The following CERT1 variants were observed in gnomAD, a reference collection of about 807,000 sequenced individuals.
CERT1 encodes ceramide transporter 1, also known as ceramide transfer protein.
A neutral mutation model predicts 87.9 loss-of-function variants in CERT1; 31 were observed. That is an observed-to-expected ratio of 0.35 (90% CI 0.27 to 0.48). The LOEUF is 0.48. Ranked by LOEUF, CERT1 falls within the 20% of genes least tolerant of loss-of-function variation. The pLI, the probability that CERT1 is intolerant of heterozygous loss-of-function variation, is 0.99. For missense variants in CERT1, 487 were observed against 758.0 expected (o/e 0.64, Z 4.20); for synonymous variants, 289 against 250.9 (o/e 1.15, Z -1.44).
chr5:75,477,657 A>AAC (rs1554044744), intron 2 of CERT1, among the ~76,000 whole-genome samples: 1 of 149,958 alleles, frequency 6.7e-6, no homozygotes, highest in Non-Finnish European at 1.5e-5. Flanking sequence ...TAAAAAAAAA[A>AAC]AAAAAAAAAA....
chr5:75,406,748 T>C (rs1762721714), intron 8 of CERT1, among the ~76,000 whole-genome samples: 2 of 152,140 alleles, frequency 1.3e-5, no homozygotes, highest in African/African-American at 4.8e-5. Context: ...TTTCACCATG[T>C]TGGCCAGGCT....
At chr5:75,507,711 C>T (rs1405900631) in intron 1 of CERT1, among the ~76,000 whole-genome samples, 1 of 152,164 alleles carries the variant, frequency 6.6e-6, no homozygotes, top group Non-Finnish European at 1.5e-5. Flanking sequence ...ATAGGCTCAA[C>T]TATTTTATAA....
intron 11 of CERT1, among the ~76,000 whole-genome samples, chr5:75,390,010 G>A (rs988105567): frequency 6.6e-6 from 1 of 152,166 alleles, no homozygotes; most frequent in Non-Finnish European, 1.5e-5. Context: ...AAACAGAGAT[G>A]ATGTGTTAAA....
At position 75,426,490 on chromosome 5, in the gene CERT1, A is replaced by AT; in HGVS notation, c.349-13_349-12insA. On this transcript the variant is annotated splice_polypyrimidine_tract_variant and intron_variant, in intron 3 of 16. Transcript: ENST00000643780. ...TATCCAGATTCAGTCTAAAAAAAAA[A>AT]GTAAACTATGTGAAAAGAATTTAAA... 6.5e-7 allele frequency: 1 copy of AT among 1,545,990 alleles called. No individual in the cohort carries two copies. Among genetic ancestry groups the AT allele is most frequent in the South Asian group, 1.1e-5 (1 of 87,362 alleles).
intron 11 of CERT1, among the ~76,000 whole-genome samples, chr5:75,390,622 C>T (rs1357189546): frequency 1.3e-5 from 2 of 152,006 alleles, no homozygotes; most frequent in African/African-American, 4.8e-5. Context: ...ATTGCGGAAA[C>T]AAAGTAATTT....
chr5:75,442,484 G>C (rs998377218), intron 3 of CERT1, among the ~76,000 whole-genome samples: 4 of 152,186 alleles, frequency 2.6e-5, no homozygotes, highest in African/African-American at 9.7e-5. Context: ...GCCTCCCAAA[G>C]TGCTGGGATT....
chr5:75,382,079 T>C lies in CERT1; in HGVS notation c.1489-2A>G, dbSNP rs1361694774. 1.9e-6 allele frequency: 3 copies of C among 1,609,726 alleles called. No individual in the cohort carries two copies. Among genetic ancestry groups the C allele is most frequent in the Admixed American group, 1.7e-5 (1 of 58,966 alleles). ...TCGCTGAGAAGCAGGCCACACCCTC[T>C]GTGGAGAAGTAAAAATCTTTTGAAA... On this transcript the variant is annotated splice_acceptor_variant, in intron 14 of 16. Transcript: ENST00000643780. LOFTEE classifies it high-confidence loss of function.
chr5:75,462,822 T>C (rs1313701790), intron 2 of CERT1, among the ~76,000 whole-genome samples: 2 of 151,656 alleles, frequency 1.3e-5, no homozygotes, highest in South Asian at 2.1e-4. Context: ...TGAAACCCCA[T>C]CTCTACTAAA....
chr5:75,502,072 CA>C (rs1307290336), intron 2 of CERT1, among the ~76,000 whole-genome samples: 1 of 151,020 alleles, frequency 6.6e-6, no homozygotes, highest in Non-Finnish European at 1.5e-5. Flanking sequence ...ATATTTGCAA[CA>C]AATGTGCCAA....
chr5:75,435,736 G>C (rs1297057054), intron 3 of CERT1, among the ~76,000 whole-genome samples: 1 of 152,170 alleles, frequency 6.6e-6, no homozygotes, highest in Non-Finnish European at 1.5e-5. Context: ...TAATCCTGGG[G>C]GGCTGAGACC....
At chr5:75,511,945 C>T (rs10060056), upstream of CERT1, 6,211 of 878,246 alleles carry the variant, frequency 7.1e-3, 32 homozygotes, top group South Asian at 8.8e-3. Context: ...TCGCTTGTCC[C>T]CTTGGGGCCT....
intron 2 of CERT1, among the ~76,000 whole-genome samples, chr5:75,481,152 T>C (rs1346986237): frequency 6.6e-6 from 1 of 152,210 alleles, no homozygotes; most frequent in Admixed American, 6.5e-5. Context: ...TCCCCGTGTC[T>C]ACTCTGCTCC....
At chr5:75,438,567 C>T (rs1354419852) in intron 3 of CERT1, among the ~76,000 whole-genome samples, 1 of 152,084 alleles carries the variant, frequency 6.6e-6, no homozygotes, top group Non-Finnish European at 1.5e-5. Flanking sequence ...ACTTACTCTT[C>T]CACAAGAAAA....
intron 2 of CERT1, among the ~76,000 whole-genome samples, chr5:75,481,673 A>C (rs1326214826): frequency 6.6e-6 from 1 of 152,248 alleles, no homozygotes; most frequent in Non-Finnish European, 1.5e-5. Context: ...AGGAAAGCTA[A>C]TTATAACTAT....
intron 3 of CERT1, among the ~76,000 whole-genome samples, chr5:75,430,270 T>A (rs1309390226): frequency 6.6e-6 from 1 of 152,198 alleles, no homozygotes; most frequent in Non-Finnish European, 1.5e-5. Context: ...TGTTCTCAAC[T>A]CTTAATTGGC....
intron 1 of CERT1, 142 bp downstream of exon 1, chr5:75,510,970 C>T: frequency 8.5e-7 from 1 of 1,177,884 alleles, no homozygotes; most frequent in Non-Finnish European, 1.1e-6. Flanking sequence ...ATCCCCGCCT[C>T]ATCCCTAGTC....
chr5:75,425,248 A>C (rs1242777024), intron 5 of CERT1, 113 bp downstream of exon 5: 1 of 1,011,410 alleles, frequency 9.9e-7, no homozygotes, highest in Admixed American at 2.6e-5. Context: ...GGGGGTTTGC[A>C]GCAAAAAATG....
At chr5:75,420,717 C>A (rs1003352820) in intron 5 of CERT1, among the ~76,000 whole-genome samples, 18 of 151,996 alleles carry the variant, frequency 1.2e-4, no homozygotes, top group African/African-American at 4.4e-4. Flanking sequence ...TTTTCTACTA[C>A]GCCACATGCT....
intron 3 of CERT1, among the ~76,000 whole-genome samples, chr5:75,430,091 A>G (rs1412085056): frequency 3.9e-5 from 6 of 152,326 alleles, no homozygotes; most frequent in African/African-American, 1.2e-4. Context: ...ACAGTTCATG[A>G]AAAAAGAAAT....
Sources: allele counts gnomAD v4.1 joint callset (sites outside exome capture counted in the v4.1 genomes callset), GRCh38; gene constraint gnomAD v4.1.1; transcripts MANE v1.5; gene names NCBI Gene and HGNC (gene_info 2026-07-23, HGNC 2026-07-21).